The following CLEC4A variants were observed in gnomAD, a reference collection of about 807,000 sequenced individuals.
The protein encoded by CLEC4A is C-type (calcium dependent, carbohydrate-recognition domain) lectin, superfamily member 6.
A neutral mutation model predicts 32.7 loss-of-function variants in CLEC4A; 27 were observed. That is an observed-to-expected ratio of 0.83 (90% CI 0.61 to 1.14). CLEC4A has a LOEUF of 1.14. Among genes scored for constraint, CLEC4A ranks in the 50% most tolerant of loss-of-function variants. CLEC4A has a pLI of 0.00. For synonymous variants in CLEC4A, 89 were observed against 93.7 expected, an observed-to-expected ratio of 0.95 and a Z score of 0.29; for missense variants, 253 against 274.6, an observed-to-expected ratio of 0.92 and a Z score of 0.55.
the CLEC4A span, among the ~76,000 whole-genome samples, chr12:8,115,588 G>A: frequency 2.6e-5 from 4 of 152,092 alleles, no homozygotes; most frequent in Non-Finnish European, 4.4e-5. Context: ...CTTGTAAAAC[G>A]GTGAGATGTT....
chr12:8,106,412 A>G, the CLEC4A span, among the ~76,000 whole-genome samples: 2 of 152,146 alleles, frequency 1.3e-5, no homozygotes, highest in African/African-American at 4.8e-5. Flanking sequence ...TAGTTTTAAA[A>G]AAATTCTGTG....
chr12:8,107,964 C>T, the CLEC4A span, among the ~76,000 whole-genome samples: 1 of 151,938 alleles, frequency 6.6e-6, no homozygotes, highest in Non-Finnish European at 1.5e-5. Context: ...TCTAGTTCCT[C>T]TAGGAGTGGT....
intron 3 of CLEC4A, among the ~76,000 whole-genome samples, chr12:8,130,124 C>T (rs948076096): frequency 5.3e-5 from 8 of 152,122 alleles, no homozygotes; most frequent in Non-Finnish European, 8.8e-5. Flanking sequence ...GCGTGAGCCA[C>T]GGTGCCTGGT....
upstream of CLEC4A, among the ~76,000 whole-genome samples, chr12:8,119,857 C>T (rs1405021033): frequency 2.6e-5 from 4 of 152,282 alleles, no homozygotes; most frequent in African/African-American, 9.6e-5. Flanking sequence ...GGGGTGTCCT[C>T]ACTCCTGATC....
the CLEC4A span, among the ~76,000 whole-genome samples, chr12:8,116,455 G>C: frequency 7.9e-5 from 12 of 152,050 alleles, no homozygotes; most frequent in Non-Finnish European, 1.5e-4. Flanking sequence ...TCTAGACCTC[G>C]CATTTGGAAA....
In CLEC4A at chr12:8,125,724, CA is replaced by C. The variant is rs759474637; in HGVS notation, c.199+48del. 3 of 1,126,004 alleles carry C rather than the reference CA, an allele frequency of 2.7e-6. No individual in the cohort carries two copies. In the East Asian group the frequency reaches 7.1e-5, roughly 27 times the overall value. 69.8% of individuals were successfully genotyped at this position (1,126,004 alleles called of 1,614,324 possible). A position where few individuals can be genotyped will look rare whatever the true frequency, so the allele number is the denominator to read the frequency against. On this transcript the variant is annotated intron_variant, in intron 2 of 5. Transcript: ENST00000229332. ...ATAAGCAATATCTGCTGTCCATGAA[CA>C]GAGGGTATCCTTTAAAAACTGACTT...
chr12:8,103,678 C>T, the CLEC4A span, among the ~76,000 whole-genome samples: 3 of 152,146 alleles, frequency 2.0e-5, no homozygotes, highest in Non-Finnish European at 4.4e-5. Flanking sequence ...GCCACTGCAC[C>T]CAGCCCCACT....
At chr12:8,134,289 C>T in intron 3 of CLEC4A, 2 of 1,612,408 alleles carry the variant, frequency 1.2e-6, no homozygotes, top group Non-Finnish European at 1.7e-6. Context: ...AGCTGCAGAG[C>T]CTCAAAGCGG....
At chr12:8,136,985 G>A in intron 5 of CLEC4A, 82 bp downstream of exon 5, 1 of 840,294 alleles carries the variant, frequency 1.2e-6, no homozygotes, top group Non-Finnish European at 1.9e-6. Flanking sequence ...AGCTATAAAA[G>A]TAAAATAGCT....
intron 2 of CLEC4A, 126 bp downstream of exon 2, chr12:8,125,803 T>C: frequency 1.5e-6 from 1 of 649,582 alleles, no homozygotes; most frequent in South Asian, 2.0e-5. Context: ...TGGGGAGACA[T>C]AATTCATGGG....
intron 2 of CLEC4A, among the ~76,000 whole-genome samples, chr12:8,126,371 ATTTT>A (rs55729993): frequency 3.8e-4 from 44 of 115,678 alleles, no homozygotes; most frequent in African/African-American, 1.1e-3. Flanking sequence ...TGCTCAGCTA[ATTTT>A]TTTTTTTTTT....
intron 3 of CLEC4A, among the ~76,000 whole-genome samples, chr12:8,135,042 A>G (rs1478060925): frequency 2.7e-4 from 2 of 7,426 alleles, no homozygotes; most frequent in African/African-American, 3.4e-4. Flanking sequence ...TAACAATTTT[A>G]TTATCTTTTT....
At chr12:8,125,233 G>A (rs1947880499) in intron 1 of CLEC4A, among the ~76,000 whole-genome samples, 1 of 152,036 alleles carries the variant, frequency 6.6e-6, no homozygotes, top group African/African-American at 2.4e-5. Flanking sequence ...AGTATTTATG[G>A]TATGTCAATC....
upstream of CLEC4A, chr12:8,121,498 CACAGGGGGAGAGCTTTA>C (rs2120555793): frequency 6.6e-6 from 1 of 152,638 alleles, no homozygotes; most frequent in South Asian, 2.1e-4. Context: ...AGTGGCCTGG[CACAGGGGGAGAGCTTTA>C]GCAGGGTGAG....
the CLEC4A span, among the ~76,000 whole-genome samples, chr12:8,105,676 G>T: frequency 2.0e-5 from 3 of 152,116 alleles, no homozygotes; most frequent in Non-Finnish European, 4.4e-5. Context: ...TCATATGCTT[G>T]TTGGCCATGT....
intron 1 of CLEC4A, 57 bp downstream of exon 1, chr12:8,124,017 G>A: frequency 8.6e-7 from 1 of 1,156,402 alleles, no homozygotes; most frequent in East Asian, 2.3e-5. Flanking sequence ...TGAGGAGAGG[G>A]TTTATGAATA....
the CLEC4A span, among the ~76,000 whole-genome samples, chr12:8,115,109 TG>T: frequency 1.3e-5 from 2 of 152,230 alleles, no homozygotes; most frequent in Non-Finnish European, 2.9e-5. Flanking sequence ...TGTCTACCTG[TG>T]GCCTGGACCA....
the CLEC4A span, among the ~76,000 whole-genome samples, chr12:8,112,871 G>C: frequency 6.6e-6 from 1 of 152,030 alleles, no homozygotes; most frequent in Non-Finnish European, 1.5e-5. Flanking sequence ...CATACACAGA[G>C]GCCTGGGATT....
At chr12:8,134,681 C>A in intron 3 of CLEC4A, 1 of 1,578,992 alleles carries the variant, frequency 6.3e-7, no homozygotes, top group Non-Finnish European at 8.6e-7. Flanking sequence ...GAATCCCCCA[C>A]TCCTCAGAGC....
Sources: gnomAD v4.1 joint callset for allele counts (sites outside exome capture counted in the v4.1 genomes callset) on GRCh38, gnomAD v4.1.1 for gene constraint, MANE v1.5 for transcripts, NCBI Gene and HGNC (gene_info 2026-07-23, HGNC 2026-07-21) for gene names.